SEMA3E: variants seen among roughly 807,000 people sequenced by gnomAD.
The protein encoded by SEMA3E is semaphorin 3E.
SEMA3E carries 49 observed loss-of-function variants against 93.6 expected under a neutral mutation model. The observed-to-expected ratio is 0.52, with a 90% CI of 0.42 to 0.66. The LOEUF is 0.66. Ranked by LOEUF, SEMA3E falls within the 30% of genes least tolerant of loss-of-function variation. The pLI is 0.00. For missense variants in SEMA3E, 906 were observed against 964.8 expected (o/e 0.94, Z 0.81); for synonymous variants, 363 against 330.7 (o/e 1.10, Z -1.06).
chr7:83,546,996 A>G (rs542176595), intron 1 of SEMA3E, among the ~76,000 whole-genome samples: 1 of 152,246 alleles, frequency 6.6e-6, no homozygotes, highest in South Asian at 2.1e-4. Flanking sequence ...GAATGGTGAC[A>G]TTTGAAAATG....
chr7:83,529,200 G>A (rs1791231728), intron 1 of SEMA3E, among the ~76,000 whole-genome samples: 1 of 152,080 alleles, frequency 6.6e-6, no homozygotes, highest in Non-Finnish European at 1.5e-5. Context: ...GGGGATGAAA[G>A]GTCATTTCTA....
Position 83,500,590 on chromosome 7 carries a change from C to CTTTTTTTT in SEMA3E, c.116-10324_116-10317dup, listed in dbSNP as rs371350850. Among the ~76,000 whole-genome samples the CTTTTTTTT allele has an allele frequency of 4.6e-3, 463 of 100,572 alleles. 5 individuals carry two copies. The highest frequency in any genetic ancestry group is 0.011 in the Middle Eastern group (1 of 88). 66.0% of individuals were successfully genotyped at this position (100,572 alleles called of 152,430 possible). On this transcript the variant is annotated intron_variant, in intron 1 of 16. Transcript: ENST00000643230. ...TCTATACATCTATCTAACTTTCTTC[C>CTTTTTTTT]TTTTTTTTTTTTTTTTTTTGAGATA...
chr7:83,632,216 C>G (rs1162754757), intron 1 of SEMA3E, among the ~76,000 whole-genome samples: 1 of 151,582 alleles, frequency 6.6e-6, no homozygotes, highest in Non-Finnish European at 1.5e-5. Flanking sequence ...ACAAAGCAAG[C>G]ATCTCTGGAG....
At chr7:83,580,226 A>G (rs548689875) in intron 1 of SEMA3E, among the ~76,000 whole-genome samples, 2 of 152,190 alleles carry the variant, frequency 1.3e-5, no homozygotes, top group African/African-American at 4.8e-5. Context: ...TCTATTGCTT[A>G]CTTTTAAAAT....
At chr7:83,429,010 T>A (rs1478493281) in intron 4 of SEMA3E, among the ~76,000 whole-genome samples, 1 of 152,126 alleles carries the variant, frequency 6.6e-6, no homozygotes, top group Non-Finnish European at 1.5e-5. Context: ...GAGAGGAGTA[T>A]ATGTGTTTGC....
chr7:83,414,728 C>G (rs550343805), intron 5 of SEMA3E, among the ~76,000 whole-genome samples: 4 of 152,030 alleles, frequency 2.6e-5, no homozygotes, highest in Non-Finnish European at 4.4e-5. Context: ...AATACTCCAA[C>G]AACAAAGTTA....
At chr7:83,608,090 T>C (rs886668369) in intron 1 of SEMA3E, among the ~76,000 whole-genome samples, 3 of 151,856 alleles carry the variant, frequency 2.0e-5, no homozygotes, top group Non-Finnish European at 2.9e-5. Context: ...CATGCACCTG[T>C]CAATCCTAGA....
chr7:83,452,198 CA>C (rs1789377478), intron 4 of SEMA3E, among the ~76,000 whole-genome samples: 1 of 151,892 alleles, frequency 6.6e-6, no homozygotes, highest in Non-Finnish European at 1.5e-5. Flanking sequence ...TGAGAATCAA[CA>C]AAATCAGAAT....
chr7:83,465,259 C>A (rs890722319), intron 4 of SEMA3E, among the ~76,000 whole-genome samples: 2 of 152,026 alleles, frequency 1.3e-5, no homozygotes, highest in Non-Finnish European at 2.9e-5. Context: ...TGTAAAACGG[C>A]CCCACCCTTA....
chr7:83,473,864 C>T (rs921827035), intron 2 of SEMA3E, among the ~76,000 whole-genome samples: 14 of 151,928 alleles, frequency 9.2e-5, no homozygotes, highest in Non-Finnish European at 1.6e-4. Context: ...GAGGCCGAGG[C>T]GGGTGGACCA....
chr7:83,521,804 A>G (rs1263970611), intron 1 of SEMA3E, among the ~76,000 whole-genome samples: 1 of 152,082 alleles, frequency 6.6e-6, no homozygotes, highest in Non-Finnish European at 1.5e-5. Context: ...CACTAATCCT[A>G]TGAGGGCCCC....
chr7:83,615,855 C>T (rs1031844286), intron 1 of SEMA3E, among the ~76,000 whole-genome samples: 1 of 151,938 alleles, frequency 6.6e-6, no homozygotes, highest in East Asian at 1.9e-4. Flanking sequence ...CAAGCCAAAG[C>T]GAAATACCAA....
chr7:83,403,026 TAC>T (rs1485226327), intron 9 of SEMA3E, among the ~76,000 whole-genome samples: 4 of 152,030 alleles, frequency 2.6e-5, no homozygotes, highest in African/African-American at 9.7e-5. Flanking sequence ...AAAATAATGT[TAC>T]TTCAGTTATT....
At chr7:83,573,256 TTTTTATTGTCATTTTTA>T (rs1395002577) in intron 1 of SEMA3E, among the ~76,000 whole-genome samples, 1 of 121,976 alleles carries the variant, frequency 8.2e-6, no homozygotes, top group Non-Finnish European at 1.9e-5. Context: ...GTCATTGTCA[TTTTTATTGTCATTTTTA>T]TTTTATTATT....
At chr7:83,483,201 A>G (rs1790184772) in intron 2 of SEMA3E, among the ~76,000 whole-genome samples, 1 of 152,182 alleles carries the variant, frequency 6.6e-6, no homozygotes, top group Non-Finnish European at 1.5e-5. Context: ...ATAAATGTAG[A>G]AGGCAAACTA....
chr7:83,519,453 A>G (rs1195337168), intron 1 of SEMA3E, among the ~76,000 whole-genome samples: 1 of 152,144 alleles, frequency 6.6e-6, no homozygotes, highest in Non-Finnish European at 1.5e-5. Flanking sequence ...GCATACTGCC[A>G]GAGTCTTTTC....
rs1259191908 is a variant in SEMA3E, at chr7:83,593,280, CTCTCTGTGTGTG to C, written c.115+55136_115+55147del. ...TCTCTGTCTCTCTCTCTCTCTCTCT[CTCTCTGTGTGTG>C]TGTGTGTGTGTGTGTGTGTGTGTGT... On this transcript the variant is annotated intron_variant, in intron 1 of 16. Coordinates refer to ENST00000643230, the MANE Select transcript of SEMA3E (RefSeq NM_012431.3). 4.3e-3 allele frequency among the ~76,000 whole-genome samples: 471 copies of C among 109,178 alleles called. 2 individuals are homozygous for C. Among genetic ancestry groups the C allele is most frequent in the African/African-American group, 0.019 (442 of 22,950 alleles). The allele number at this position is 109,178 out of a possible 152,430, so 71.6% of individuals were successfully genotyped here. A position where few individuals can be genotyped will look rare whatever the true frequency, so the allele number is the denominator to read the frequency against.
intron 7 of SEMA3E, 126 bp downstream of exon 7, chr7:83,406,971 A>C: frequency 9.0e-7 from 1 of 1,111,768 alleles, no homozygotes. Flanking sequence ...TGGTATAGTA[A>C]ATATCAATTG....
intron 1 of SEMA3E, among the ~76,000 whole-genome samples, chr7:83,518,840 C>A (rs1005318327): frequency 1.3e-5 from 2 of 152,072 alleles, no homozygotes; most frequent in Non-Finnish European, 2.9e-5. Flanking sequence ...TGAAATTTAA[C>A]CCTTGTTTCC....
Sources: gnomAD v4.1 joint callset for allele counts (sites outside exome capture counted in the v4.1 genomes callset) on GRCh38, gnomAD v4.1.1 for gene constraint, MANE v1.5 for transcripts, NCBI Gene and HGNC (gene_info 2026-07-23, HGNC 2026-07-21) for gene names.